The following COL5A2 variants were observed in gnomAD, a reference collection of about 807,000 sequenced individuals.
COL5A2 encodes the protein collagen alpha-2(V) chain.
Under a neutral mutation model 208.2 loss-of-function variants are expected in COL5A2, and 23 were observed. The observed-to-expected ratio is 0.11, with a 90% CI of 0.08 to 0.16. COL5A2 has a LOEUF of 0.16. Among genes scored for constraint, COL5A2 ranks in the 10% least tolerant of loss-of-function variants. The pLI, the probability that COL5A2 is intolerant of heterozygous loss-of-function variation, is 1.00. For synonymous variants in COL5A2, 625 were observed against 628.5 expected, an observed-to-expected ratio of 0.99 and a Z score of 0.08; for missense variants, 1,590 against 1,956.4, an observed-to-expected ratio of 0.81 and a Z score of 3.53.
intron 2 of COL5A2, among the ~76,000 whole-genome samples, chr2:189,107,654 A>G (rs1253280434): frequency 6.6e-6 from 1 of 151,580 alleles, no homozygotes; most frequent in Non-Finnish European, 1.5e-5. Flanking sequence ...TTATATAAGC[A>G]TAGAACTATG....
intron 1 of COL5A2, among the ~76,000 whole-genome samples, chr2:189,132,708 G>C (rs566292342): frequency 6.6e-5 from 10 of 152,218 alleles, no homozygotes; most frequent in African/African-American, 2.4e-4. Flanking sequence ...ATCACTCAAG[G>C]TCAGGAGTTT....
At chr2:189,251,235 C>T in the COL5A2 span, among the ~76,000 whole-genome samples, 138,220 of 152,212 alleles carry the variant, frequency 0.91, 63,323 homozygotes, top group East Asian at 1. Context: ...AAGATCAAAA[C>T]TGATGAAAAG....
intron 11 of COL5A2, among the ~76,000 whole-genome samples, 155 bp from the exon 12 acceptor site, chr2:189,084,192 G>T (rs1003049946): frequency 6.6e-6 from 1 of 152,058 alleles, no homozygotes; most frequent in African/African-American, 2.4e-5. Context: ...GTAAAAATAG[G>T]CTCTATTCCT....
chr2:189,107,260 A>G (rs2105705368), intron 2 of COL5A2, among the ~76,000 whole-genome samples: 1 of 151,706 alleles, frequency 6.6e-6, no homozygotes, highest in South Asian at 2.1e-4. Flanking sequence ...AAGAAAATCC[A>G]TGTTCTAAGA....
At chr2:189,062,328 C>T (rs978129965) in intron 29 of COL5A2, among the ~76,000 whole-genome samples, 9 of 151,916 alleles carry the variant, frequency 5.9e-5, no homozygotes, top group African/African-American at 2.2e-4. Context: ...GGATTACAGG[C>T]ACATGCCACC....
At chr2:189,226,174 C>A (rs945423022), upstream of COL5A2, among the ~76,000 whole-genome samples, 2 of 152,090 alleles carry the variant, frequency 1.3e-5, no homozygotes, top group African/African-American at 4.8e-5. Context: ...TTCTCTACTA[C>A]AGATAAAAAT....
the COL5A2 span, among the ~76,000 whole-genome samples, chr2:189,438,635 G>A: frequency 6.6e-6 from 1 of 152,164 alleles, no homozygotes; most frequent in Admixed American, 6.6e-5. Context: ...CAAAACTAGG[G>A]ATGGAGAACA....
At chr2:189,048,758 C>A (rs1302128987) in intron 44 of COL5A2, among the ~76,000 whole-genome samples, 2 of 151,904 alleles carry the variant, frequency 1.3e-5, no homozygotes, top group East Asian at 1.9e-4. Context: ...GCTATTGATT[C>A]TTTCTTTCAA....
chr2:189,226,270 G>C (rs1486040616), upstream of COL5A2, among the ~76,000 whole-genome samples: 1 of 152,130 alleles, frequency 6.6e-6, no homozygotes, highest in Non-Finnish European at 1.5e-5. Flanking sequence ...ATAGTAAATA[G>C]AGGAATGATT....
At chr2:189,064,474 T>G in intron 25 of COL5A2, 83 bp downstream of exon 25, 1 of 972,408 alleles carries the variant, frequency 1.0e-6, no homozygotes, top group Non-Finnish European at 1.6e-6. Flanking sequence ...CAAACTAAAT[T>G]TAAAAACAAA....
chr2:189,156,341 T>C lies in COL5A2; in HGVS notation c.97+23167A>G, dbSNP rs930631043. ...AATAAATATTTATTAAGTAAATAAA[T>C]TTCAAAATTTCTTCTTTGGGGAACA... is the stretch of plus-strand genomic sequence containing the variant. On this transcript the variant is annotated intron_variant, in intron 1 of 53. Transcript: ENST00000374866. Among the ~76,000 whole-genome samples the C allele has an allele frequency of 3.3e-5, 5 of 152,134 alleles. No individual in the cohort carries two copies. The South Asian group carries it at 6.2e-4, about 19-fold the overall frequency.
chr2:189,314,561 C>T, the COL5A2 span, among the ~76,000 whole-genome samples: 3 of 152,088 alleles, frequency 2.0e-5, no homozygotes, highest in African/African-American at 7.2e-5. Flanking sequence ...CCAAAGCTAA[C>T]AGAAGACAAG....
intron 1 of COL5A2, among the ~76,000 whole-genome samples, chr2:189,116,187 A>G (rs1190374364): frequency 3.3e-5 from 5 of 152,184 alleles, no homozygotes; most frequent in African/African-American, 1.2e-4. Flanking sequence ...TGGTGGCCTC[A>G]TGAAGTGGAG....
chr2:189,079,211 T>C, intron 14 of COL5A2, 104 bp from the exon 15 acceptor site: 1 of 899,962 alleles, frequency 1.1e-6, no homozygotes, highest in Non-Finnish European at 1.8e-6. Flanking sequence ...AGAGGACATA[T>C]GAAAGATGTA....
At chr2:189,427,672 G>A in the COL5A2 span, among the ~76,000 whole-genome samples, 11 of 152,182 alleles carry the variant, frequency 7.2e-5, no homozygotes, top group African/African-American at 1.7e-4. Flanking sequence ...CCAAGGCTTC[G>A]GGAGCCCACC....
chr2:189,058,623 G>A (rs1284707250), intron 32 of COL5A2, 96 bp from the exon 33 acceptor site: 3 of 1,141,212 alleles, frequency 2.6e-6, no homozygotes, highest in Non-Finnish European at 3.9e-6. Flanking sequence ...GAAAAATTCA[G>A]AAATGAGACA....
chr2:189,249,525 C>G, the COL5A2 span, among the ~76,000 whole-genome samples: 1 of 152,040 alleles, frequency 6.6e-6, no homozygotes, highest in African/African-American at 2.4e-5. Flanking sequence ...CAATTTTATT[C>G]CAGAGTTCCA....
At chr2:189,273,292 A>C in the COL5A2 span, among the ~76,000 whole-genome samples, 1 of 152,134 alleles carries the variant, frequency 6.6e-6, no homozygotes, top group African/African-American at 2.4e-5. Flanking sequence ...AAATGCACTT[A>C]AGAGGAATGA....
the COL5A2 span, among the ~76,000 whole-genome samples, chr2:189,318,386 T>G: frequency 6.6e-6 from 1 of 152,228 alleles, no homozygotes; most frequent in Non-Finnish European, 1.5e-5. Flanking sequence ...CTTGCCTCAC[T>G]TTAGCCTTTG....
Sources: allele counts gnomAD v4.1 joint callset (sites outside exome capture counted in the v4.1 genomes callset), GRCh38; gene constraint gnomAD v4.1.1; transcripts MANE v1.5; gene names NCBI Gene and HGNC (gene_info 2026-07-23, HGNC 2026-07-21).